RTN1: variants seen among roughly 807,000 people sequenced by gnomAD.
The protein encoded by RTN1 is reticulon-1.
Under a neutral mutation model 65.5 loss-of-function variants are expected in RTN1, and 25 were observed. That is an observed-to-expected ratio of 0.38 (90% CI 0.28 to 0.53). The LOEUF (loss-of-function observed/expected upper bound fraction) is 0.53. Ranked by LOEUF, RTN1 falls within the 20% of genes least tolerant of loss-of-function variation. The pLI is 0.79. For missense variants in RTN1, 983 were observed against 1,025.4 expected (o/e 0.96, Z 0.57); for synonymous variants, 471 against 447.6 (o/e 1.05, Z -0.66).
intron 1 of RTN1, among the ~76,000 whole-genome samples, chr14:59,792,007 C>G (rs78991524): frequency 3.3e-5 from 5 of 152,102 alleles, no homozygotes; most frequent in African/African-American, 1.2e-4. Context: ...CTCCTGCCCC[C>G]TCCCCTGCCT....
At chr14:59,619,957 A>C (rs1882211343) in intron 3 of RTN1, among the ~76,000 whole-genome samples, 1 of 152,126 alleles carries the variant, frequency 6.6e-6, no homozygotes, top group Admixed American at 6.5e-5. Context: ...GGTGGGGGGA[A>C]GTTCAAAGTA....
chr14:59,640,333 T>G (rs891815158), intron 3 of RTN1, among the ~76,000 whole-genome samples: 1 of 152,190 alleles, frequency 6.6e-6, no homozygotes, highest in African/African-American at 2.4e-5. Flanking sequence ...TTATTTATTT[T>G]TTGAGATGGA....
At chr14:59,632,143 C>G (rs924624549) in intron 3 of RTN1, among the ~76,000 whole-genome samples, 1 of 152,102 alleles carries the variant, frequency 6.6e-6, no homozygotes, top group Non-Finnish European at 1.5e-5. Context: ...GGCCTCTCTG[C>G]GTATCTTTGT....
chr14:59,853,514 A>C (rs1255348841), intron 1 of RTN1, among the ~76,000 whole-genome samples: 1 of 152,092 alleles, frequency 6.6e-6, no homozygotes, highest in Non-Finnish European at 1.5e-5. Context: ...CAGCTCTTTC[A>C]ACCAGAGTCA....
At chr14:59,832,910 CT>C (rs1301960647) in intron 1 of RTN1, among the ~76,000 whole-genome samples, 1 of 152,192 alleles carries the variant, frequency 6.6e-6, no homozygotes, top group East Asian at 1.9e-4. Context: ...GCAAACACCC[CT>C]ATCATCCCTC....
At chr14:59,663,047 T>C (rs1433299284) in intron 3 of RTN1, among the ~76,000 whole-genome samples, 2 of 152,176 alleles carry the variant, frequency 1.3e-5, no homozygotes, top group South Asian at 4.1e-4. Flanking sequence ...CAAAACAGCA[T>C]GGTACTGCTA....
chr14:59,795,669 C>CA (rs1335588094), intron 1 of RTN1, among the ~76,000 whole-genome samples: 1 of 152,162 alleles, frequency 6.6e-6, no homozygotes, highest in Non-Finnish European at 1.5e-5. Flanking sequence ...AGTTTTAAAA[C>CA]AAACATCTCA....
rs569961718 is a variant in RTN1 at position 59,849,128 on chromosome 14, T to G, written c.241+21262A>C. Among the ~76,000 whole-genome samples the G allele has an allele frequency of 1.3e-5, 2 of 152,328 alleles. No homozygotes were observed. Among genetic ancestry groups the G allele is most frequent in the Middle Eastern group, 6.8e-3 (2 of 294 alleles). ...ACAATAGAATTATGCAAATTAGTTG[T>G]CACCCCTACTTAGATTAACCAAATC... On this transcript the variant is annotated intron_variant, in intron 1 of 8. Coordinates refer to ENST00000267484, the MANE Select transcript of RTN1 (RefSeq NM_021136.3). The surrounding 1 kb of genome is among the most constrained non-coding windows in gnomAD (Gnocchi z 4.5).
At chr14:59,741,017 G>T (rs576552576) in intron 2 of RTN1, among the ~76,000 whole-genome samples, 1 of 152,228 alleles carries the variant, frequency 6.6e-6, no homozygotes, top group South Asian at 2.1e-4. Flanking sequence ...GGTGAACATG[G>T]GCTATTTTAG....
chr14:59,651,687 G>A (rs1005422486), intron 3 of RTN1, among the ~76,000 whole-genome samples: 2 of 151,946 alleles, frequency 1.3e-5, no homozygotes, highest in Non-Finnish European at 2.9e-5. Flanking sequence ...TCAGTGAGCC[G>A]AGATTGCACC....
At chr14:59,707,434 T>C (rs148755670) in intron 3 of RTN1, among the ~76,000 whole-genome samples, 1 of 152,354 alleles carries the variant, frequency 6.6e-6, no homozygotes, top group Non-Finnish European at 1.5e-5. Flanking sequence ...TACTATATGA[T>C]GTGTGTTTAT....
chr14:59,646,779 G>T (rs532364340), intron 3 of RTN1, among the ~76,000 whole-genome samples: 1 of 151,904 alleles, frequency 6.6e-6, no homozygotes, highest in African/African-American at 2.4e-5. Flanking sequence ...CTTTACAAGA[G>T]ATCTTGAACG....
chr14:59,807,726 T>C (rs1344333503), intron 1 of RTN1, among the ~76,000 whole-genome samples: 2 of 152,228 alleles, frequency 1.3e-5, no homozygotes, highest in African/African-American at 4.8e-5. Context: ...CTGGAAAATG[T>C]AACTGTTTTT....
At chr14:59,607,106 AGTTT>A (rs988932602) in intron 4 of RTN1, among the ~76,000 whole-genome samples, 175 bp downstream of exon 4, 2 of 152,228 alleles carry the variant, frequency 1.3e-5, no homozygotes, top group African/African-American at 4.8e-5. Context: ...AGAATAATCG[AGTTT>A]GTTTCAGAAA....
chr14:59,664,337 G>T (rs1458750845), intron 3 of RTN1, among the ~76,000 whole-genome samples: 1 of 152,128 alleles, frequency 6.6e-6, no homozygotes, highest in African/African-American at 2.4e-5. Context: ...GGAAAGGGAA[G>T]TGATAGCATT....
intron 2 of RTN1, among the ~76,000 whole-genome samples, chr14:59,737,975 C>T (rs1294527787): frequency 6.6e-6 from 1 of 152,164 alleles, no homozygotes; most frequent in African/African-American, 2.4e-5. Context: ...AAAATGGAAA[C>T]TGGACCCCTT....
In RTN1 at chr14:59,750,184, T is replaced by TATATATATTATAGATA. The variant is rs1885434388; in HGVS notation, c.242-3704_242-3703insTATCTATAATATATAT. Reference sequence around the variant, plus strand: ...TATATATTATATCTATAATATATAATACATATATTATATCTATAATATATA... The same window carrying TATATATATTATAGATA: ...TATATATTATATCTATAATATATAATATATATATTATAGATAACATATATTATATCTATAATATATA... On this transcript the variant is annotated intron_variant, in intron 1 of 8. Transcript: ENST00000267484. 4.1e-4 allele frequency among the ~76,000 whole-genome samples: 9 copies of TATATATATTATAGATA among 21,804 alleles called. 1 individual carries two copies. The highest frequency in any genetic ancestry group is 2.6e-3 in the African/African-American group (8 of 3,030). 14.3% of individuals were successfully genotyped at this position (21,804 alleles called of 152,430 possible).
chr14:59,689,773 T>C (rs1280774425), intron 3 of RTN1, among the ~76,000 whole-genome samples: 1 of 152,190 alleles, frequency 6.6e-6, no homozygotes, highest in African/African-American at 2.4e-5. Context: ...AATTCACTAC[T>C]ATTAGACCAA....
intron 3 of RTN1, among the ~76,000 whole-genome samples, chr14:59,706,797 G>A (rs558504701): frequency 2.2e-4 from 33 of 152,312 alleles, no homozygotes; most frequent in Admixed American, 5.9e-4. Context: ...AGAGAAGGGC[G>A]CTGGACATCT....
Sources: allele counts gnomAD v4.1 joint callset (sites outside exome capture counted in the v4.1 genomes callset), GRCh38; gene constraint gnomAD v4.1.1; non-coding constraint Gnocchi (gnomAD v3.1); transcripts MANE v1.5; gene names NCBI Gene and HGNC (gene_info 2026-07-23, HGNC 2026-07-21).